The following NELL1 variants were observed in gnomAD, a reference collection of about 807,000 sequenced individuals.
NELL1 encodes the protein protein kinase C-binding protein NELL1.
NELL1 carries 76 observed loss-of-function variants against 107.4 expected under a neutral mutation model. That is an observed-to-expected ratio of 0.71 (90% CI 0.59 to 0.86). The LOEUF (loss-of-function observed/expected upper bound fraction) is 0.86. Among genes scored for constraint, NELL1 ranks in the 40% least tolerant of loss-of-function variants. The pLI, the probability that NELL1 is intolerant of heterozygous loss-of-function variation, is 0.00. For synonymous variants in NELL1, 353 were observed against 341.2 expected (o/e 1.03, Z -0.38); for missense variants, 1,024 against 1,005.5 (o/e 1.02, Z -0.25).
chr11:21,350,355 C>A (rs1457806493), intron 14 of NELL1, among the ~76,000 whole-genome samples: 1 of 136,208 alleles, frequency 7.3e-6, no homozygotes, highest in Non-Finnish European at 1.6e-5. Context: ...AACTACTGAG[C>A]AAGATCTTTT....
intron 12 of NELL1, among the ~76,000 whole-genome samples, chr11:21,073,505 C>T (rs1348766159): frequency 1.3e-5 from 2 of 152,072 alleles, no homozygotes. Flanking sequence ...AGTGTTGAGC[C>T]AAAGAAATGC....
intron 5 of NELL1, among the ~76,000 whole-genome samples, chr11:20,887,644 G>A (rs1181985401): frequency 1.3e-5 from 2 of 152,124 alleles, no homozygotes; most frequent in Non-Finnish European, 2.9e-5. Context: ...ATCTCCAGAT[G>A]AGAAAAAATA....
intron 2 of NELL1, among the ~76,000 whole-genome samples, chr11:20,725,659 G>A (rs12295773): frequency 6.6e-6 from 1 of 152,122 alleles, no homozygotes; most frequent in African/African-American, 2.4e-5. Flanking sequence ...GAGTTATACA[G>A]CTTGTTAATT....
intron 2 of NELL1, among the ~76,000 whole-genome samples, chr11:20,752,203 C>T (rs1590260457): frequency 6.6e-6 from 1 of 151,980 alleles, no homozygotes; most frequent in East Asian, 1.9e-4. Context: ...TTTGTAGATG[C>T]CCTGTATCAG....
intron 11 of NELL1, among the ~76,000 whole-genome samples, chr11:20,950,319 AC>A (rs1851045261): frequency 6.6e-6 from 1 of 152,158 alleles, no homozygotes; most frequent in African/African-American, 2.4e-5. Context: ...TTTTCATGAA[AC>A]CCTGCAATTT....
At chr11:21,426,230 C>G (rs773258884) in intron 15 of NELL1, among the ~76,000 whole-genome samples, 68 of 152,214 alleles carry the variant, frequency 4.5e-4, no homozygotes, top group Non-Finnish European at 9.3e-4. Flanking sequence ...TGCACTAGTC[C>G]CTTAGCTTGA....
chr11:21,287,408 C>T (rs1849149322), intron 14 of NELL1, among the ~76,000 whole-genome samples: 1 of 152,142 alleles, frequency 6.6e-6, no homozygotes, highest in African/African-American at 2.4e-5. Flanking sequence ...GATCATGTCC[C>T]TTTCTTACTT....
At chr11:21,110,182 CT>C (rs1339999335) in intron 12 of NELL1, among the ~76,000 whole-genome samples, 1 of 152,112 alleles carries the variant, frequency 6.6e-6, no homozygotes, top group Admixed American at 6.6e-5. Flanking sequence ...AACTTTTCAT[CT>C]TTATTTCAGT....
At chr11:20,918,530 C>T (rs1489165035) in intron 6 of NELL1, among the ~76,000 whole-genome samples, 3 of 151,978 alleles carry the variant, frequency 2.0e-5, no homozygotes, top group African/African-American at 7.2e-5. Context: ...CACAGTTCCA[C>T]ATGGATGGGG....
intron 15 of NELL1, among the ~76,000 whole-genome samples, chr11:21,384,119 A>G (rs1170976077): frequency 6.6e-6 from 1 of 151,944 alleles, no homozygotes; most frequent in African/African-American, 2.4e-5. Flanking sequence ...CAACATCATC[A>G]TCTCTAATCT....
chr11:21,300,175 C>A (rs528409542), intron 14 of NELL1, among the ~76,000 whole-genome samples: 1 of 152,136 alleles, frequency 6.6e-6, no homozygotes, highest in East Asian at 1.9e-4. Context: ...TTAGAGAAGA[C>A]TTCTCTAAGA....
chr11:21,096,895 AT>A (rs756990486), intron 12 of NELL1, among the ~76,000 whole-genome samples: 1 of 151,656 alleles, frequency 6.6e-6, no homozygotes, highest in Non-Finnish European at 1.5e-5. Context: ...TATTATTATT[AT>A]TTGTAGAGAC....
chr11:20,904,479 G>A (rs1306653397), intron 5 of NELL1, among the ~76,000 whole-genome samples: 1 of 152,162 alleles, frequency 6.6e-6, no homozygotes, highest in Non-Finnish European at 1.5e-5. Flanking sequence ...TGGGGCCAAA[G>A]AGTATGGTTG....
intron 15 of NELL1, among the ~76,000 whole-genome samples, chr11:21,508,536 G>A (rs1476316481): frequency 2.0e-5 from 3 of 152,150 alleles, no homozygotes; most frequent in African/African-American, 4.8e-5. Context: ...AAACAGCTAC[G>A]AAACTAGTCA....
intron 14 of NELL1, among the ~76,000 whole-genome samples, chr11:21,339,647 T>C (rs1315132000): frequency 6.6e-6 from 1 of 152,212 alleles, no homozygotes; most frequent in Non-Finnish European, 1.5e-5. Context: ...GGTCCGCTGG[T>C]CCTTGGTGAC....
At chr11:20,753,897 C>T (rs768787472) in intron 2 of NELL1, among the ~76,000 whole-genome samples, 5 of 152,126 alleles carry the variant, frequency 3.3e-5, no homozygotes, top group East Asian at 1.9e-4. Context: ...AAGTTGTTTG[C>T]TTTGTTTTGT....
At chr11:21,498,248 T>C (rs1855036070) in intron 15 of NELL1, among the ~76,000 whole-genome samples, 1 of 150,690 alleles carries the variant, frequency 6.6e-6, no homozygotes, top group African/African-American at 2.4e-5. Context: ...TCCTCCCTGG[T>C]GATAATTACA....
At chr11:21,288,791 A>G (rs1442322566) in intron 14 of NELL1, among the ~76,000 whole-genome samples, 2 of 152,204 alleles carry the variant, frequency 1.3e-5, no homozygotes, top group African/African-American at 4.8e-5. Context: ...TCTTATCAGC[A>G]GTAGGATGGC....
chr11:20,971,853 G>A (rs980789155), intron 12 of NELL1, among the ~76,000 whole-genome samples: 2 of 152,184 alleles, frequency 1.3e-5, no homozygotes, highest in African/African-American at 4.8e-5. Context: ...CCACATAAAA[G>A]AATGAGAGCA....
Sources: gnomAD v4.1 joint callset for allele counts (sites outside exome capture counted in the v4.1 genomes callset) on GRCh38, gnomAD v4.1.1 for gene constraint, MANE v1.5 for transcripts, NCBI Gene and HGNC (gene_info 2026-07-23, HGNC 2026-07-21) for gene names.